Variants in EDNRA observed in about 807,000 individuals in gnomAD.
EDNRA encodes the protein endothelin-1 receptor.
Under a neutral mutation model 41.4 loss-of-function variants are expected in EDNRA, and 11 were observed. The observed-to-expected ratio is 0.27, with a 90% CI of 0.17 to 0.44. The LOEUF is 0.44. EDNRA is among the 20% of genes least tolerant of loss of function. The probability of loss-of-function intolerance (pLI) is 1.00; values close to 1 mark genes in which losing one functional copy is unlikely to be tolerated. For missense variants in EDNRA, 294 were observed against 531.0 expected, an observed-to-expected ratio of 0.55 and a Z score of 4.39; for synonymous variants, 172 against 183.0, an observed-to-expected ratio of 0.94 and a Z score of 0.49.
chr4:147,530,749 A>C (rs1484106126), intron 3 of EDNRA, among the ~76,000 whole-genome samples: 2 of 152,056 alleles, frequency 1.3e-5, no homozygotes, highest in Non-Finnish European at 2.9e-5. Context: ...CAGTACACTA[A>C]ATATAACTGA....
chr4:147,504,246 T>C (rs950966105), intron 2 of EDNRA, among the ~76,000 whole-genome samples: 18 of 152,228 alleles, frequency 1.2e-4, no homozygotes, highest in African/African-American at 4.3e-4. Flanking sequence ...AAAGATTAGT[T>C]GCAATGTGTA....
rs1205620156 is a variant in EDNRA, at chr4:147,486,859, A to G, written c.420+758A>G. Among the ~76,000 whole-genome samples, 1 of 151,682 alleles carries G rather than the reference A, an allele frequency of 6.6e-6. No homozygotes were observed. The highest frequency in any genetic ancestry group is 2.4e-5 in the African/African-American group (1 of 41,202). ...CCTCAGTGTGAGAGGAAGATAACTA[A>G]CCTTGCTTACAGACTGTATTAGGCC... On this transcript the variant is annotated intron_variant, in intron 2 of 7. Coordinates refer to ENST00000651419, the MANE Select transcript of EDNRA (RefSeq NM_001957.4). This position sits in a 1 kb window ranked among gnomAD's most constrained non-coding sequence, Gnocchi z 4.3.
chr4:147,532,293 T>C (rs182199299), intron 3 of EDNRA, among the ~76,000 whole-genome samples: 37 of 125,042 alleles, frequency 3.0e-4, no homozygotes, highest in Admixed American at 8.1e-4. Flanking sequence ...GCCACTGCAC[T>C]CCAGTCTGAG....
intron 2 of EDNRA, among the ~76,000 whole-genome samples, chr4:147,512,867 GC>G (rs1303244693): frequency 6.6e-6 from 1 of 152,112 alleles, no homozygotes; most frequent in African/African-American, 2.4e-5. Context: ...CCACCACCCT[GC>G]ACCTGGTGAC....
Position 147,501,324 on chromosome 4 carries a change from G to T in EDNRA, c.420+15223G>T, listed in dbSNP as rs143264819. The stretch of plus-strand genomic sequence containing the variant: ...TCTTCTCTACTAAAAACATGCCTGT[G>T]CAGGGGCAGTTCCCACACTAGTAGG... On this transcript the variant is annotated intron_variant, in intron 2 of 7. Coordinates refer to ENST00000651419, the MANE Select transcript of EDNRA (RefSeq NM_001957.4). Among the ~76,000 whole-genome samples the T allele has an allele frequency of 9.4e-3, 1,428 of 152,320 alleles. 18 individuals are homozygous for T. The highest frequency in any genetic ancestry group is 0.032 in the African/African-American group (1,349 of 41,580).
intron 2 of EDNRA, among the ~76,000 whole-genome samples, chr4:147,508,009 A>G (rs923898058): frequency 6.6e-6 from 1 of 152,220 alleles, no homozygotes; most frequent in Non-Finnish European, 1.5e-5. Flanking sequence ...TATTTTAGTT[A>G]TAGGAGTTCT....
intron 6 of EDNRA, 121 bp downstream of exon 6, chr4:147,540,071 A>AT: frequency 2.9e-6 from 4 of 1,382,206 alleles, no homozygotes; most frequent in South Asian, 3.0e-5. Flanking sequence ...TGCAAAGTTG[A>AT]TTTTTTTCTT....
At chr4:147,502,433 C>A (rs1199099859) in intron 2 of EDNRA, among the ~76,000 whole-genome samples, 3 of 152,134 alleles carry the variant, frequency 2.0e-5, no homozygotes, top group Non-Finnish European at 4.4e-5. Context: ...TTTTCCCTGT[C>A]ATTTATATAT....
rs1276807735 is a variant in EDNRA, at chr4:147,544,434, A to G, written c.*1816A>G. ...TTCTTATCCTCAATTCAATGTGGTG[A>G]TGAAATTGCCAGGTTGTCTGATATT... On this transcript the variant is annotated 3_prime_UTR_variant, in exon 8 of 8. Transcript: ENST00000651419. The G allele has an allele frequency of 1.3e-5, 2 of 152,714 alleles. No individual in the cohort carries two copies. The highest frequency in any genetic ancestry group is 4.8e-5 in the African/African-American group (2 of 41,472). The allele number at this position is 152,714 out of a possible 1,614,324, so 9.5% of individuals were successfully genotyped here. A position where few individuals can be genotyped will look rare whatever the true frequency, so the allele number is the denominator to read the frequency against.
chr4:147,524,488 G>A (rs1333808368), intron 3 of EDNRA, among the ~76,000 whole-genome samples: 2 of 150,636 alleles, frequency 1.3e-5, no homozygotes, highest in African/African-American at 4.9e-5. Context: ...TAGTTAAAAA[G>A]AAAGGAAGGA....
In EDNRA at chr4:147,519,942, T is replaced by C. The variant is rs1282430058; in HGVS notation, c.512T>C (p.Ile171Thr). The C allele has an allele frequency of 1.2e-6, 2 of 1,613,350 alleles. No individual in the cohort carries two copies. The highest frequency in any genetic ancestry group is 1.7e-6 in the Non-Finnish European group (2 of 1,179,570). Residue 171 changes from isoleucine (I) to threonine (T), a missense_variant, in exon 3 of 8, where the codon ATC becomes ACC. Ile to Thr is a moderately conservative substitution (Grantham distance 89, BLOSUM62 -1). Transcript: ENST00000651419. The surrounding 1 kb of genome is among the most constrained non-coding windows in gnomAD (Gnocchi z 4.1). ...FPFLQKSSVG[I>T]TVLNLCALSV... ...TTTTTGCAGAAGTCCTCGGTGGGGA[T>C]CACCGTCCTCAACCTCTGCGCTCTT...
rs370758151 is a variant in EDNRA at position 147,504,791 on chromosome 4, C to CA, written c.421-15051dup. ...GCAACATGGCAAATCTCCATCTCTA[C>CA]AAAAAAAAATACAAAAGTTAGCCAG... On this transcript the variant is annotated intron_variant, in intron 2 of 7. Coordinates refer to ENST00000651419, the MANE Select transcript of EDNRA (RefSeq NM_001957.4). Among the ~76,000 whole-genome samples, 414 of 148,914 alleles carry CA rather than the reference C, an allele frequency of 2.8e-3. 9 individuals are homozygous for CA. The South Asian group carries it at 0.029, about 10-fold the overall frequency.
intron 5 of EDNRA, among the ~76,000 whole-genome samples, chr4:147,539,227 C>G (rs547850449): frequency 2.0e-5 from 3 of 151,826 alleles, no homozygotes; most frequent in South Asian, 4.2e-4. Flanking sequence ...CAAAAAATCC[C>G]AATAATAGCT....
At chr4:147,529,103 T>G (rs1730660990) in intron 3 of EDNRA, among the ~76,000 whole-genome samples, 1 of 152,186 alleles carries the variant, frequency 6.6e-6, no homozygotes. Context: ...TGCATTTGGA[T>G]ATATCTTGAA....
intron 2 of EDNRA, among the ~76,000 whole-genome samples, chr4:147,511,139 A>T (rs1337635136): frequency 6.6e-6 from 1 of 152,090 alleles, no homozygotes; most frequent in Non-Finnish European, 1.5e-5. Context: ...TGGTTTTAAT[A>T]CTCTCGACAC....
In EDNRA at chr4:147,514,156, G is replaced by A. The variant is rs937703362; in HGVS notation, c.421-5695G>A. 3.9e-5 allele frequency among the ~76,000 whole-genome samples: 6 copies of A among 152,252 alleles called. No individual in the cohort carries two copies. In the East Asian group the frequency reaches 1.2e-3, roughly 29 times the overall value. Reference sequence around the variant, plus strand: ...CCCAAATGAGCATCATATCCTTGTGGCAGGTATGAGAACTACCCCCATTTA... The same window carrying A: ...CCCAAATGAGCATCATATCCTTGTGACAGGTATGAGAACTACCCCCATTTA... On this transcript the variant is annotated intron_variant, in intron 2 of 7. Transcript: ENST00000651419.
chr4:147,539,935 G>T lies in EDNRA; in HGVS notation c.1019G>T (p.Arg340Leu). 1 of 1,607,784 alleles carries T rather than the reference G, an allele frequency of 6.2e-7. No individual in the cohort carries two copies. The highest frequency in any genetic ancestry group is 8.5e-7 in the Non-Finnish European group (1 of 1,178,570). The change falls in exon 6 of 8, where the codon CGA becomes CTA. Residue 340 changes from arginine (R) to leucine (L), a missense_variant. Transcript: ENST00000651419. ...GTGTATAACGAGATGGACAAGAACC[G>T]ATGTGAATTACTTAGGTATGATCCT... ...KTVYNEMDKN[R>L]CELLSFLLLM...
At chr4:147,523,474 G>GT (rs548904692) in intron 3 of EDNRA, among the ~76,000 whole-genome samples, 2,604 of 103,044 alleles carry the variant, frequency 0.025, 91 homozygotes, top group African/African-American at 0.15. Context: ...TTTTTTTGTT[G>GT]TTGTTGTTTT....
rs1453016074 is a variant in EDNRA, at chr4:147,486,237, T to G, written c.420+136T>G. 2 of 954,970 alleles carry G rather than the reference T, an allele frequency of 2.1e-6. No homozygotes were observed. The highest frequency in any genetic ancestry group is 3.0e-6 in the Non-Finnish European group (2 of 661,438). The allele number at this position is 954,970 out of a possible 1,614,324, so 59.2% of individuals were successfully genotyped here. A position where few individuals can be genotyped will look rare whatever the true frequency, so the allele number is the denominator to read the frequency against. Reference sequence around the variant, plus strand: ...AGAGCTATTTCTGCTGTCTTCTAACTACTAGTTTTAAGATTTACAAATTTT... The same window carrying G: ...AGAGCTATTTCTGCTGTCTTCTAACGACTAGTTTTAAGATTTACAAATTTT... On this transcript the variant is annotated intron_variant, in intron 2 of 7. Transcript: ENST00000651419. The surrounding 1 kb of genome is among the most constrained non-coding windows in gnomAD (Gnocchi z 4.3).
Sources: allele counts gnomAD v4.1 joint callset (sites outside exome capture counted in the v4.1 genomes callset), GRCh38; gene constraint gnomAD v4.1.1; non-coding constraint Gnocchi (gnomAD v3.1); transcripts MANE v1.5; gene names NCBI Gene and HGNC (gene_info 2026-07-23, HGNC 2026-07-21).